KREMEN1: variants seen among roughly 807,000 people sequenced by gnomAD.
KREMEN1 encodes the protein kringle containing transmembrane protein 1.
KREMEN1 carries 30 observed loss-of-function variants against 46.5 expected under a neutral mutation model. The ratio of observed to expected loss-of-function variants is 0.65; its 90% confidence interval spans 0.48 to 0.88. The LOEUF (loss-of-function observed/expected upper bound fraction) is 0.88. Ranked by LOEUF, KREMEN1 falls within the 40% of genes least tolerant of loss-of-function variation. KREMEN1 has a pLI of 0.00. For synonymous variants in KREMEN1, 214 were observed against 230.6 expected, an observed-to-expected ratio of 0.93 and a Z score of 0.65; for missense variants, 533 against 596.9, an observed-to-expected ratio of 0.89 and a Z score of 1.11.
downstream of KREMEN1, among the ~76,000 whole-genome samples, chr22:29,148,937 C>T (rs186863492): frequency 1.1e-3 from 171 of 152,126 alleles, 1 homozygote; most frequent in African/African-American, 3.8e-3. Context: ...CCACCGCAGA[C>T]GTGGCTCTCG....
intron 3 of KREMEN1, among the ~76,000 whole-genome samples, chr22:29,120,028 G>GGAGGGAGAGGTGATGATGGAAAT (rs2038307158): frequency 7.7e-6 from 1 of 130,704 alleles, no homozygotes; most frequent in Admixed American, 7.4e-5. Context: ...AGGAAACAGA[G>GGAGGGAGAGGTGATGATGGAAAT]GGAGGAAGGA....
chr22:29,095,064 CA>C (rs961914521), intron 2 of KREMEN1, among the ~76,000 whole-genome samples: 2 of 152,158 alleles, frequency 1.3e-5, no homozygotes, highest in Non-Finnish European at 2.9e-5. Flanking sequence ...GTTAGCAGAG[CA>C]GCCTACACTA....
intron 3 of KREMEN1, among the ~76,000 whole-genome samples, chr22:29,120,118 G>A (rs132265): frequency 0.023 from 532 of 23,132 alleles, 1 homozygote; most frequent in African/African-American, 0.039. Flanking sequence ...AAATGGAGGA[G>A]GGAGAGGTGA....
At chr22:29,127,979 G>T (rs2038472559) in intron 5 of KREMEN1, among the ~76,000 whole-genome samples, 1 of 152,142 alleles carries the variant, frequency 6.6e-6, no homozygotes, top group Admixed American at 6.6e-5. Flanking sequence ...AGAACCAGAT[G>T]CAAAGGGCTA....
chr22:29,122,576 T>C (rs953752537), intron 4 of KREMEN1, among the ~76,000 whole-genome samples: 1 of 152,154 alleles, frequency 6.6e-6, no homozygotes. Context: ...CATTAACTGA[T>C]GAATGGAGAA....
intron 1 of KREMEN1, among the ~76,000 whole-genome samples, chr22:29,080,901 AGG>A (rs2037642733): frequency 7.0e-6 from 1 of 143,054 alleles, no homozygotes; most frequent in Non-Finnish European, 1.5e-5. Flanking sequence ...AGTAGCACTG[AGG>A]TTGAGAAACC....
At chr22:29,085,405 T>G (rs2037713182) in intron 1 of KREMEN1, among the ~76,000 whole-genome samples, 1 of 152,216 alleles carries the variant, frequency 6.6e-6, no homozygotes, top group Non-Finnish European at 1.5e-5. Flanking sequence ...TTTTAGTATG[T>G]ATCTCTAAAT....
chr22:29,148,176 C>T (rs132282), downstream of KREMEN1, among the ~76,000 whole-genome samples: 79,186 of 151,966 alleles, frequency 0.52, 25,013 homozygotes, highest in Non-Finnish European at 0.69. Context: ...CCACTGCAGT[C>T]GCTGTGGGAC....
intron 3 of KREMEN1, among the ~76,000 whole-genome samples, chr22:29,102,234 A>T (rs2037988861): frequency 6.6e-6 from 1 of 152,254 alleles, no homozygotes; most frequent in South Asian, 2.1e-4. Flanking sequence ...CCAGGGGGAA[A>T]GGCAGCCCCT....
At chr22:29,146,877 C>CG (rs2038874001), downstream of KREMEN1, 1 of 793,090 alleles carries the variant, frequency 1.3e-6, no homozygotes, top group Non-Finnish European at 1.5e-6. Context: ...GTGGGACAAG[C>CG]GGAGGGTGTC....
rs1333935064 is a variant in KREMEN1, at chr22:29,144,701, A to G, written c.*2589A>G. 1.0e-6 allele frequency: 1 copy of G among 985,516 alleles called. No homozygotes were observed. The allele number at this position is 985,516 out of a possible 1,614,324, so 61.0% of individuals were successfully genotyped here. A position where few individuals can be genotyped will look rare whatever the true frequency, so the allele number is the denominator to read the frequency against. ...CAAAGGGAATGTGGCACGTGGCCCC[A>G]GGAAGAGTTCACCCGGCCAGGGGGC... On this transcript the variant is annotated 3_prime_UTR_variant, in exon 9 of 9. Coordinates refer to ENST00000400335, the MANE Select transcript of KREMEN1 (RefSeq NM_001039570.3).
intron 1 of KREMEN1, among the ~76,000 whole-genome samples, chr22:29,091,397 T>A (rs1338251494): frequency 6.6e-6 from 1 of 152,234 alleles, no homozygotes; most frequent in Non-Finnish European, 1.5e-5. Context: ...ATTGATCTAT[T>A]GAGCTGCATC....
intron 5 of KREMEN1, among the ~76,000 whole-genome samples, chr22:29,131,758 ATATATATATG>A (rs1257122811): frequency 4.3e-5 from 5 of 116,408 alleles, no homozygotes; most frequent in African/African-American, 1.9e-4. Context: ...GTATATATGT[ATATATATATG>A]TATATATATA....
At chr22:29,125,482 G>GGGGGGCC in intron 5 of KREMEN1, 66 bp downstream of exon 5, 2 of 1,525,916 alleles carry the variant, frequency 1.3e-6, no homozygotes, top group Non-Finnish European at 1.8e-6. Context: ...CAACAAGCCT[G>GGGGGGCC]CCCACCCTCC....
intron 5 of KREMEN1, among the ~76,000 whole-genome samples, chr22:29,131,681 T>C (rs1442526601): frequency 8.0e-6 from 1 of 125,266 alleles, no homozygotes; most frequent in African/African-American, 3.2e-5. Context: ...TATATATGCA[T>C]ATATACATGT....
At chr22:29,148,539 C>T (rs1471082370), downstream of KREMEN1, among the ~76,000 whole-genome samples, 4 of 151,970 alleles carry the variant, frequency 2.6e-5, no homozygotes, top group African/African-American at 4.8e-5. Context: ...CTGCAACCTC[C>T]GCCTCCCGGG....
chr22:29,132,168 G>A (rs905447828), intron 5 of KREMEN1, among the ~76,000 whole-genome samples: 14 of 152,036 alleles, frequency 9.2e-5, no homozygotes, highest in African/African-American at 3.4e-4. Flanking sequence ...CACCACGACC[G>A]GCCAGAATAA....
rs2038796073 is a variant in KREMEN1 at position 29,143,141 on chromosome 22, ACT to A, written c.*1032_*1033del. The A allele has an allele frequency of 1.1e-6, 1 of 950,958 alleles. No individual in the cohort carries two copies. The highest frequency in any genetic ancestry group is 1.8e-5 in the African/African-American group (1 of 56,392). The allele number at this position is 950,958 out of a possible 1,614,324, so 58.9% of individuals were successfully genotyped here. A position where few individuals can be genotyped will look rare whatever the true frequency, so the allele number is the denominator to read the frequency against. ...CTCCAGCCTGGGTGACAAGAGTGAG[ACT>A]CTGTCTCAAAAAAACAAAACACAAA... On this transcript the variant is annotated 3_prime_UTR_variant, in exon 9 of 9. Coordinates refer to ENST00000400335, the MANE Select transcript of KREMEN1 (RefSeq NM_001039570.3).
chr22:29,133,375 C>G (rs1484582090), intron 5 of KREMEN1, among the ~76,000 whole-genome samples: 2 of 151,906 alleles, frequency 1.3e-5, no homozygotes, highest in African/African-American at 4.8e-5. Context: ...TCATGGCCCA[C>G]TGCAGCCTCG....
Sources: allele counts gnomAD v4.1 joint callset (sites outside exome capture counted in the v4.1 genomes callset), GRCh38; gene constraint gnomAD v4.1.1; transcripts MANE v1.5; gene names NCBI Gene and HGNC (gene_info 2026-07-23, HGNC 2026-07-21).